Variants in NOP9 observed in about 807,000 individuals in gnomAD.
The protein encoded by NOP9 is NOP9 nucleolar protein.
In NOP9, 50 loss-of-function variants were observed where a neutral mutation model predicts 63.0. That is an observed-to-expected ratio of 0.79 (90% CI 0.63 to 1.00). The LOEUF (loss-of-function observed/expected upper bound fraction) is 1.00. Among genes scored for constraint, NOP9 ranks in the 50% least tolerant of loss-of-function variants. NOP9 has a pLI of 0.00. For synonymous variants in NOP9, 343 were observed against 332.8 expected (o/e 1.03, Z -0.33); for missense variants, 758 against 803.0 (o/e 0.94, Z 0.68).
At chr14:24,282,454 C>G in the NOP9 span, among the ~76,000 whole-genome samples, 1 of 152,172 alleles carries the variant, frequency 6.6e-6, no homozygotes, top group Non-Finnish European at 1.5e-5. Context: ...CCTGAATTCT[C>G]TCAGCCCCTA....
chr14:24,300,729 T>C lies in NOP9; in HGVS notation c.569T>C (p.Val190Ala). 1 of 1,613,150 alleles carries C rather than the reference T, an allele frequency of 6.2e-7. No homozygotes were observed. Among genetic ancestry groups the C allele is most frequent in the South Asian group, 1.1e-5 (1 of 91,026 alleles). ...EELVLGLAAE[V>A]CDDFLVYCGD... ...CTGGTCCTGGGACTAGCCGCTGAGGTGTGTGATGATTTTCTTGTCTACTGT... is the reference window on the plus strand; with the variant it reads ...CTGGTCCTGGGACTAGCCGCTGAGGCGTGTGATGATTTTCTTGTCTACTGT... Residue 190 changes from valine (V) to alanine (A), a missense_variant, in exon 2 of 10, where the codon GTG (valine) becomes GCG (alanine). Physicochemically the swap from Val to Ala is moderately conservative, Grantham distance 64. Transcript: ENST00000267425.
chr14:24,291,424 T>C, the NOP9 span: 4 of 1,139,704 alleles, frequency 3.5e-6, no homozygotes, highest in Middle Eastern at 2.7e-4. Flanking sequence ...TGCTGACCCC[T>C]TGGGCCTCAA....
Position 24,306,344 on chromosome 14 carries a change from T to C in NOP9, c.*1249T>C, listed in dbSNP as rs781110630. 5.0e-6 allele frequency: 8 copies of C among 1,613,774 alleles called. No individual in the cohort carries two copies. The South Asian group carries it at 7.7e-5, about 16-fold the overall frequency. The stretch of plus-strand genomic sequence containing the variant: ...CCGGGAAAGCTCTAAAGGACAGGCA[T>C]TGGAAGCAGCCCCAGTATAGGCCTC... On this transcript the variant is annotated 3_prime_UTR_variant, in exon 10 of 10. Coordinates refer to ENST00000267425, the MANE Select transcript of NOP9 (RefSeq NM_174913.3).
rs780169970 is a variant in NOP9, at chr14:24,299,910, C to G, written c.-45C>G. On this transcript the variant is annotated 5_prime_UTR_variant, in exon 1 of 10. Transcript: ENST00000267425. The stretch of plus-strand genomic sequence containing the variant: ...CGCTTGGCGACGTCGAAGGTCCGTC[C>G]GCAGTTAAGGAAGCTTTTGCAGCCG... The G allele has an allele frequency of 4.6e-6, 7 of 1,506,376 alleles. No individual in the cohort carries two copies. Among genetic ancestry groups the G allele is most frequent in the Non-Finnish European group, 4.4e-6 (5 of 1,129,814 alleles). 93.3% of individuals were successfully genotyped at this position (1,506,376 alleles called of 1,614,324 possible).
At chr14:24,283,812 C>T in the NOP9 span, among the ~76,000 whole-genome samples, 1 of 152,264 alleles carries the variant, frequency 6.6e-6, no homozygotes, top group Non-Finnish European at 1.5e-5. Context: ...CCTGCTTTCA[C>T]TGCTTTAACT....
At position 24,306,789 on chromosome 14, in the gene NOP9, T is replaced by A. The variant is rs772502565; in HGVS notation, c.*1694T>A. On this transcript the variant is annotated 3_prime_UTR_variant, in exon 10 of 10. Transcript: ENST00000267425. Reference sequence around the variant, plus strand: ...CCTCCAAGTCACTTCTGGTTTGGAATTGGAAAGCAAGCCAGGTTCTCACGA... The same window carrying A: ...CCTCCAAGTCACTTCTGGTTTGGAAATGGAAAGCAAGCCAGGTTCTCACGA... 3.9e-4 allele frequency: 194 copies of A among 500,058 alleles called. No individual in the cohort carries two copies. Among genetic ancestry groups the A allele is most frequent in the Non-Finnish European group, 6.5e-4 (179 of 275,578 alleles). 31.0% of individuals were successfully genotyped at this position (500,058 alleles called of 1,614,324 possible). A position where few individuals can be genotyped will look rare whatever the true frequency, so the allele number is the denominator to read the frequency against.
At chr14:24,291,670 A>G in the NOP9 span, 7 of 1,571,880 alleles carry the variant, frequency 4.5e-6, no homozygotes, top group Middle Eastern at 1.7e-4. Context: ...TTCCAAGAGC[A>G]CTGCCCAGGT....
At chr14:24,301,490 A>G in intron 2 of NOP9, 122 bp from the exon 3 acceptor site, 2 of 1,184,926 alleles carry the variant, frequency 1.7e-6, no homozygotes, top group South Asian at 2.8e-5. Flanking sequence ...CAGAAGAGAC[A>G]TTTAGTTGTA....
chr14:24,297,878 C>T (rs118169249), upstream of NOP9, among the ~76,000 whole-genome samples: 214 of 152,306 alleles, frequency 1.4e-3, 3 homozygotes, highest in East Asian at 0.018. Flanking sequence ...TCCTCCAGGA[C>T]GCTTTCCCAA....
chr14:24,304,362 A>C, intron 8 of NOP9, 85 bp downstream of exon 8: 1 of 1,347,160 alleles, frequency 7.4e-7, no homozygotes, highest in East Asian at 2.3e-5. Context: ...CTTCAGACTC[A>C]AAAAGGCTAT....
At position 24,302,402 on chromosome 14, in the gene NOP9, A is replaced by G; in HGVS notation, c.1121A>G (p.Asp374Gly). The change falls in exon 5 of 10, where the codon GAT becomes GGT. Residue 374 changes from aspartate to glycine, a missense_variant. Asp to Gly is a moderately conservative substitution (Grantham distance 94). Transcript: ENST00000267425. ...IANFPLQRLL[D>G]AVTTPELLSP... ...AACTTCCCTTTGCAGCGCTTACTGG[A>G]TGCAGTCACTACCCCTGAGCTGGTG... The G allele has an allele frequency of 6.2e-7, 1 of 1,612,536 alleles. No homozygotes were observed. The highest frequency in any genetic ancestry group is 8.5e-7 in the Non-Finnish European group (1 of 1,178,886).
Position 24,306,365 on chromosome 14 carries a change from G to T in NOP9, c.*1270G>T. ...GGCATTGGAAGCAGCCCCAGTATAG[G>T]CCTCTTACCCTTGTAGGGCTCCAGC... is the stretch of plus-strand genomic sequence containing the variant. On this transcript the variant is annotated 3_prime_UTR_variant, in exon 10 of 10. Coordinates refer to ENST00000267425, the MANE Select transcript of NOP9 (RefSeq NM_174913.3). The T allele has an allele frequency of 6.2e-7, 1 of 1,614,160 alleles. No homozygotes were observed. The highest frequency in any genetic ancestry group is 8.5e-7 in the Non-Finnish European group (1 of 1,180,022).
upstream of NOP9, chr14:24,299,749 G>C: frequency 1.7e-6 from 1 of 594,568 alleles, no homozygotes; most frequent in South Asian, 2.5e-5. Context: ...CCAGGCCAAA[G>C]TTAGAACCTG....
chr14:24,293,591 A>AATAAATAAATAAATAG, the NOP9 span: 1 of 151,668 alleles, frequency 6.6e-6, no homozygotes, highest in African/African-American at 2.4e-5. Context: ...TAAATAAATA[A>AATAAATAAATAAATAG]AAAGAAAGAG....
the NOP9 span, chr14:24,291,587 C>A: frequency 6.2e-7 from 1 of 1,614,230 alleles, no homozygotes; most frequent in Non-Finnish European, 8.5e-7. Context: ...ATTTGCCACT[C>A]AATTCTGTGG....
the NOP9 span, among the ~76,000 whole-genome samples, chr14:24,280,770 G>A: frequency 6.6e-6 from 1 of 152,128 alleles, no homozygotes; most frequent in African/African-American, 2.4e-5. Context: ...ATGAAACAGG[G>A]TATTGAGACT....
the NOP9 span, among the ~76,000 whole-genome samples, chr14:24,276,303 G>A: frequency 4.6e-4 from 69 of 151,436 alleles, no homozygotes; most frequent in African/African-American, 1.6e-3. Flanking sequence ...TTTGAGCCTA[G>A]GAGGTGGAGG....
Position 24,301,679 on chromosome 14 carries a change from T to A in NOP9, c.765T>A (p.Asn255Lys). ...TTGAAGTCCCTGAAACCTTTTTGAA[T>A]CGCCTTCAGGACCTGAGCTCCTCCT... ...ADFEVPETFL[N>K]RLQDLSSSFL... The change falls in exon 3 of 10, where the codon AAT becomes AAA. Residue 255 changes from asparagine to lysine, a missense_variant. Asn to Lys is a moderately conservative substitution (Grantham distance 94). Coordinates refer to ENST00000267425, the MANE Select transcript of NOP9 (RefSeq NM_174913.3). 1.9e-6 allele frequency: 3 copies of A among 1,614,148 alleles called. No homozygotes were observed. The highest frequency in any genetic ancestry group is 2.5e-6 in the Non-Finnish European group (3 of 1,180,004).
chr14:24,292,913 C>A, the NOP9 span: 1 of 1,217,508 alleles, frequency 8.2e-7, no homozygotes. Flanking sequence ...GGTGGGTTAG[C>A]GACCTGAGGA....
Sources: allele counts gnomAD v4.1 joint callset (sites outside exome capture counted in the v4.1 genomes callset), GRCh38; gene constraint gnomAD v4.1.1; transcripts MANE v1.5; gene names NCBI Gene and HGNC (gene_info 2026-07-23, HGNC 2026-07-21).